PTGER3: variants seen among roughly 807,000 people sequenced by gnomAD.
PTGER3 encodes prostaglandin E receptor 3, also known as prostaglandin E2 receptor EP3 subtype.
A neutral mutation model predicts 34.7 loss-of-function variants in PTGER3; 22 were observed. The ratio of observed to expected loss-of-function variants is 0.63; its 90% CI spans 0.45 to 0.91. The LOEUF is 0.91. PTGER3 is among the 40% of genes least tolerant of loss of function. The pLI is 0.00. For synonymous variants in PTGER3, 241 were observed against 230.1 expected, an observed-to-expected ratio of 1.05 and a Z score of -0.43; for missense variants, 468 against 519.4, an observed-to-expected ratio of 0.90 and a Z score of 0.96.
chr1:70,976,823 C>T (rs1653754637), intron 2 of PTGER3, among the ~76,000 whole-genome samples: 1 of 152,094 alleles, frequency 6.6e-6, no homozygotes, highest in Non-Finnish European at 1.5e-5. Context: ...TACTAACGAG[C>T]CTCTCTTAGA....
chr1:71,012,567 G>A, intron 1 of PTGER3, 83 bp from the exon 2 acceptor site: 2 of 1,241,902 alleles, frequency 1.6e-6, no homozygotes, highest in Non-Finnish European at 2.2e-6. Flanking sequence ...CACATAGTTG[G>A]TTTTCAATAA....
chr1:71,037,202 C>A (rs1262344860), intron 1 of PTGER3, among the ~76,000 whole-genome samples: 1 of 152,202 alleles, frequency 6.6e-6, no homozygotes, highest in African/African-American at 2.4e-5. Flanking sequence ...TAAGACCTAT[C>A]CGACTAGTTA....
At chr1:70,866,130 C>T (rs1046246537) in intron 4 of PTGER3, among the ~76,000 whole-genome samples, 3 of 152,176 alleles carry the variant, frequency 2.0e-5, no homozygotes, top group Non-Finnish European at 4.4e-5. Flanking sequence ...TAATGCTTCG[C>T]TGTAAGCACC....
At chr1:70,967,503 C>T (rs1194723270), downstream of PTGER3, among the ~76,000 whole-genome samples, 3 of 151,250 alleles carry the variant, frequency 2.0e-5, no homozygotes, top group Admixed American at 6.6e-5. Context: ...ATAAAGCTGT[C>T]GAAAATCTAG....
At chr1:70,922,291 G>A (rs1647607306) in intron 4 of PTGER3, among the ~76,000 whole-genome samples, 1 of 152,162 alleles carries the variant, frequency 6.6e-6, no homozygotes, top group Non-Finnish European at 1.5e-5. Flanking sequence ...AAAATGACTG[G>A]TTGTTTAACA....
At chr1:70,988,329 C>T (rs1655114825) in intron 2 of PTGER3, among the ~76,000 whole-genome samples, 1 of 152,108 alleles carries the variant, frequency 6.6e-6, no homozygotes, top group African/African-American at 2.4e-5. Context: ...GCAGAGCCTT[C>T]CAATTGCTTC....
chr1:71,007,582 C>T (rs866792877), intron 2 of PTGER3: 1 of 985,328 alleles, frequency 1.0e-6, no homozygotes, highest in Non-Finnish European at 1.2e-6. Context: ...GACAGGTTTT[C>T]CATCATATCT....
At position 70,953,760 on chromosome 1, in the gene PTGER3, T is replaced by C. The variant is rs1319283170; in HGVS notation, c.1104+3A>G. ...TAGTTTTAATACTATCTTTGCAACT[T>C]ACTTGCTCTCTGAGTCTTCTTTTTC... On this transcript the variant is annotated splice_donor_region_variant and intron_variant, in intron 3 of 3. Transcript: ENST00000356595. The C allele has an allele frequency of 2.6e-6, 4 of 1,512,768 alleles. No individual in the cohort carries two copies. The East Asian group carries it at 1.0e-4, about 39-fold the overall frequency. 93.7% of individuals were successfully genotyped at this position (1,512,768 alleles called of 1,614,324 possible). A position where few individuals can be genotyped will look rare whatever the true frequency, so the allele number is the denominator to read the frequency against.
intron 4 of PTGER3, among the ~76,000 whole-genome samples, chr1:70,877,965 A>G (rs1006541404): frequency 2.6e-5 from 4 of 152,256 alleles, no homozygotes; most frequent in Admixed American, 1.3e-4. Context: ...GCCTCATAGA[A>G]TGAGTTAGGG....
chr1:70,953,720 G>C (rs1403169793), intron 3 of PTGER3: 22 of 1,537,370 alleles, frequency 1.4e-5, no homozygotes, highest in Non-Finnish European at 1.9e-5. Flanking sequence ...GAAGAGGTTT[G>C]GATTCAAATG....
At chr1:70,924,817 C>T (rs1047079640) in intron 4 of PTGER3, among the ~76,000 whole-genome samples, 1 of 151,988 alleles carries the variant, frequency 6.6e-6, no homozygotes, top group South Asian at 2.1e-4. Flanking sequence ...CACTTTAATC[C>T]ATGAACTCAC....
chr1:70,953,906 G>A (rs776592030), intron 2 of PTGER3: 3 of 505,556 alleles, frequency 5.9e-6, no homozygotes, highest in Non-Finnish European at 1.0e-5. Flanking sequence ...AGGGGTAATG[G>A]TAAATAGACT....
At chr1:70,893,038 G>T (rs72932180) in intron 4 of PTGER3, among the ~76,000 whole-genome samples, 4 of 151,490 alleles carry the variant, frequency 2.6e-5, no homozygotes, top group African/African-American at 4.8e-5. Flanking sequence ...AAAAAAAAAC[G>T]TTTCCTTACT....
chr1:70,983,470 T>G (rs1035584996), intron 2 of PTGER3, among the ~76,000 whole-genome samples: 2 of 152,098 alleles, frequency 1.3e-5, no homozygotes, highest in Non-Finnish European at 2.9e-5. Context: ...CATTAAATAT[T>G]TAGCGAATGA....
At chr1:70,869,664 A>G (rs1301927044) in intron 4 of PTGER3, among the ~76,000 whole-genome samples, 1 of 152,254 alleles carries the variant, frequency 6.6e-6, no homozygotes, top group Non-Finnish European at 1.5e-5. Context: ...GAAAAAGGCT[A>G]CAGGCTCTAT....
intron 2 of PTGER3, chr1:71,005,804 G>A: frequency 1.1e-6 from 1 of 933,982 alleles, no homozygotes; most frequent in Non-Finnish European, 1.3e-6. Context: ...ATGGCCTGTA[G>A]GTTTACCAGC....
chr1:71,010,246 G>A (rs1415121802), intron 2 of PTGER3: 1 of 983,636 alleles, frequency 1.0e-6, no homozygotes, highest in East Asian at 1.1e-4. Flanking sequence ...ATAAAGCACT[G>A]TGTTGTACAG....
intron 4 of PTGER3, among the ~76,000 whole-genome samples, chr1:70,917,663 C>T (rs144280205): frequency 1.6e-4 from 24 of 151,976 alleles, no homozygotes; most frequent in African/African-American, 4.8e-4. Flanking sequence ...TACTAATTTA[C>T]ATTTCCACCA....
intron 4 of PTGER3, among the ~76,000 whole-genome samples, chr1:70,899,783 G>C (rs1646798357): frequency 6.6e-6 from 1 of 151,978 alleles, no homozygotes; most frequent in Non-Finnish European, 1.5e-5. Flanking sequence ...CTAAGTACTG[G>C]AACTAAGGGA....
Sources: gnomAD v4.1 joint callset for allele counts (sites outside exome capture counted in the v4.1 genomes callset) on GRCh38, gnomAD v4.1.1 for gene constraint, MANE v1.5 for transcripts, NCBI Gene and HGNC (gene_info 2026-07-23, HGNC 2026-07-21) for gene names.